Variants in HS3ST5 observed in about 807,000 individuals in gnomAD.
HS3ST5 encodes heparan sulfate-glucosamine 3-sulfotransferase 5, also known as heparan sulfate glucosamine 3-O-sulfotransferase 5.
HS3ST5 carries 10 observed loss-of-function variants against 25.4 expected under a neutral mutation model. The ratio of observed to expected loss-of-function variants is 0.39; its 90% CI spans 0.24 to 0.67. HS3ST5 has a LOEUF of 0.67. Among genes scored for constraint, HS3ST5 ranks in the 30% least tolerant of loss-of-function variants. HS3ST5 has a pLI of 0.44. For missense variants in HS3ST5, 324 were observed against 420.7 expected, an observed-to-expected ratio of 0.77 and a Z score of 2.01; for synonymous variants, 170 against 162.4, an observed-to-expected ratio of 1.05 and a Z score of -0.36.
At chr6:114,137,943 A>G (rs1158696672) in intron 3 of HS3ST5, among the ~76,000 whole-genome samples, 1 of 152,164 alleles carries the variant, frequency 6.6e-6, no homozygotes, top group Non-Finnish European at 1.5e-5. Flanking sequence ...TATAAGTATA[A>G]TAAAAAGAGC....
At chr6:114,117,296 CT>C (rs1255492183) in intron 3 of HS3ST5, among the ~76,000 whole-genome samples, 9 of 152,030 alleles carry the variant, frequency 5.9e-5, no homozygotes, top group African/African-American at 2.2e-4. Context: ...TGGTTTATAT[CT>C]GGGCATCACT....
At chr6:114,203,471 C>T (rs536486316) in intron 2 of HS3ST5, among the ~76,000 whole-genome samples, 1 of 152,248 alleles carries the variant, frequency 6.6e-6, no homozygotes, top group South Asian at 2.1e-4. Flanking sequence ...TGGCCATCTT[C>T]GGGAGGTCAC....
chr6:114,136,055 C>T (rs1241279053), intron 3 of HS3ST5, among the ~76,000 whole-genome samples: 1 of 152,228 alleles, frequency 6.6e-6, no homozygotes, highest in Non-Finnish European at 1.5e-5. Context: ...TCAGTGCATA[C>T]TGGTTGAATG....
chr6:114,109,645 C>T (rs1776168717), intron 3 of HS3ST5, among the ~76,000 whole-genome samples: 1 of 152,158 alleles, frequency 6.6e-6, no homozygotes, highest in African/African-American at 2.4e-5. Flanking sequence ...GCTCTCCTTT[C>T]TGGGAGGACC....
intron 1 of HS3ST5, among the ~76,000 whole-genome samples, chr6:114,238,513 C>T (rs940296161): frequency 2.0e-5 from 3 of 152,094 alleles, no homozygotes; most frequent in Middle Eastern, 3.2e-3. Flanking sequence ...AGGATGTACA[C>T]GTACAGATTT....
intron 1 of HS3ST5, among the ~76,000 whole-genome samples, chr6:114,285,190 T>C (rs1019582546): frequency 6.6e-6 from 1 of 151,970 alleles, no homozygotes; most frequent in Non-Finnish European, 1.5e-5. Context: ...AATGAATGTA[T>C]TAAAAATGTG....
At position 114,248,114 on chromosome 6, in the gene HS3ST5, T is replaced by G. The variant is rs1165309186; in HGVS notation, c.-338-19336A>C. ...TACTCAGGAGGCTGAGGCAGGAGAC[T>G]CACTTGAACCTAGGAGACGGAAGTT... On this transcript the variant is annotated intron_variant, in intron 1 of 4. Coordinates refer to ENST00000312719, the MANE Select transcript of HS3ST5 (RefSeq NM_153612.4). 2.6e-5 allele frequency among the ~76,000 whole-genome samples: 4 copies of G among 151,020 alleles called. No individual in the cohort carries two copies. In the East Asian group the frequency reaches 7.8e-4, roughly 29 times the overall value.
intron 2 of HS3ST5, among the ~76,000 whole-genome samples, chr6:114,186,552 G>T (rs1198995223): frequency 2.0e-5 from 3 of 152,142 alleles, no homozygotes; most frequent in Non-Finnish European, 4.4e-5. Context: ...GCTAGCAGAG[G>T]TTGGTTCATT....
intron 2 of HS3ST5, among the ~76,000 whole-genome samples, chr6:114,227,393 G>A (rs1378282222): frequency 6.6e-6 from 1 of 151,544 alleles, no homozygotes; most frequent in Non-Finnish European, 1.5e-5. Context: ...AAAAACTTCA[G>A]CCTTCACTAT....
rs147273131 is a variant in HS3ST5, at chr6:114,115,462, A to C, written c.-32-52585T>G. Among the ~76,000 whole-genome samples the C allele has an allele frequency of 3.9e-5, 6 of 152,252 alleles. No individual in the cohort carries two copies. The East Asian group carries it at 1.2e-3, about 29-fold the overall frequency. On this transcript the variant is annotated intron_variant, in intron 3 of 4. Transcript: ENST00000312719. ...GGTCTAGTCCTGCTATAAAGAAAAG[A>C]ATAATGTCACATATCTGTCCTATCA... is the stretch of plus-strand genomic sequence containing the variant.
At chr6:114,184,054 CTTTTTTTTTTTTTTT>C (rs34370810) in intron 2 of HS3ST5, among the ~76,000 whole-genome samples, 1 of 78,688 alleles carries the variant, frequency 1.3e-5, no homozygotes, top group Non-Finnish European at 2.2e-5. Context: ...TTTTTCCTTT[CTTTTTTTTTTTTTTT>C]TTTTTTTTTT....
chr6:114,197,344 G>A (rs1214617392), intron 2 of HS3ST5, among the ~76,000 whole-genome samples: 1 of 151,986 alleles, frequency 6.6e-6, no homozygotes, highest in Non-Finnish European at 1.5e-5. Flanking sequence ...CTTAGGTTTT[G>A]ATGACTTCCC....
chr6:114,261,007 AATG>A (rs1481453144), intron 1 of HS3ST5, among the ~76,000 whole-genome samples: 9 of 152,310 alleles, frequency 5.9e-5, no homozygotes, highest in African/African-American at 1.7e-4. Flanking sequence ...ACATCAGTCT[AATG>A]ATGATGGCTG....
Position 114,287,448 on chromosome 6 carries a change from C to T in HS3ST5, c.-339+54747G>A, listed in dbSNP as rs576720945. Among the ~76,000 whole-genome samples, 13 of 152,012 alleles carry T rather than the reference C, an allele frequency of 8.6e-5. No individual in the cohort carries two copies. The South Asian group carries it at 2.7e-3, about 32-fold the overall frequency. ...CCAGAGATTGTGCTGGAGACATAACCACAACTGTACCACATGAAGTCTTTT... is the reference window on the plus strand; with the variant it reads ...CCAGAGATTGTGCTGGAGACATAACTACAACTGTACCACATGAAGTCTTTT... On this transcript the variant is annotated intron_variant, in intron 1 of 4. Coordinates refer to ENST00000312719, the MANE Select transcript of HS3ST5 (RefSeq NM_153612.4).
chr6:114,236,722 G>A (rs1021031074), intron 1 of HS3ST5, among the ~76,000 whole-genome samples: 4 of 152,162 alleles, frequency 2.6e-5, no homozygotes, highest in African/African-American at 9.7e-5. Context: ...CATGACAGAA[G>A]ATTTGCATTA....
rs548795066 is a variant in HS3ST5 at position 114,148,498 on chromosome 6, G to A, written c.-33+19853C>T. 6.6e-5 allele frequency among the ~76,000 whole-genome samples: 10 copies of A among 152,246 alleles called. No individual in the cohort carries two copies. The South Asian group carries it at 2.1e-3, about 32-fold the overall frequency. ...TAACTGGGTGTGGTGGCGGACACCT[G>A]TAATCCCAGCTACTCAGGAGGCTGG... On this transcript the variant is annotated intron_variant, in intron 3 of 4. Coordinates refer to ENST00000312719, the MANE Select transcript of HS3ST5 (RefSeq NM_153612.4).
chr6:114,069,614 GT>G (rs1251542918), intron 3 of HS3ST5, among the ~76,000 whole-genome samples: 17 of 151,698 alleles, frequency 1.1e-4, no homozygotes, highest in African/African-American at 4.1e-4. Flanking sequence ...TGCCTTCCGG[GT>G]TCAAGCAATT....
intron 1 of HS3ST5, among the ~76,000 whole-genome samples, chr6:114,313,875 A>G (rs1775639902): frequency 6.6e-6 from 1 of 152,178 alleles, no homozygotes; most frequent in Admixed American, 6.5e-5. Context: ...TCCTTGCATC[A>G]GGATCATCTG....
rs558731991 is a variant in HS3ST5, at chr6:114,208,556, AAG to A, written c.-145+20027_-145+20028del. On this transcript the variant is annotated intron_variant, in intron 2 of 4. Coordinates refer to ENST00000312719, the MANE Select transcript of HS3ST5 (RefSeq NM_153612.4). ...AGAATCATATTGCTTATGAGAACTG[AAG>A]AGAGGATCATTGCAGGGGCGAGTGT... is the stretch of plus-strand genomic sequence containing the variant. Among the ~76,000 whole-genome samples the A allele has an allele frequency of 1.1e-4, 17 of 152,326 alleles. 1 individual carries two copies. The South Asian group carries it at 3.5e-3, about 32-fold the overall frequency.
Sources: gnomAD v4.1 joint callset for allele counts (sites outside exome capture counted in the v4.1 genomes callset) on GRCh38, gnomAD v4.1.1 for gene constraint, MANE v1.5 for transcripts, NCBI Gene and HGNC (gene_info 2026-07-23, HGNC 2026-07-21) for gene names.